SNX7: variants seen among roughly 807,000 people sequenced by gnomAD.
SNX7 encodes the protein sorting nexin-7.
A neutral mutation model predicts 48.4 loss-of-function variants in SNX7; 35 were observed. The ratio of observed to expected loss-of-function variants is 0.72; its 90% CI spans 0.55 to 0.96. The LOEUF (loss-of-function observed/expected upper bound fraction) is 0.96, where lower values mean the gene tolerates loss of function less well. SNX7 is among the 40% of genes least tolerant of loss of function. The pLI is 0.00. For missense variants in SNX7, 553 were observed against 548.9 expected (o/e 1.01, Z -0.07); for synonymous variants, 190 against 190.2 (o/e 1.00, Z 0.01).
chr1:98,697,874 GT>G (rs1190549284), intron 5 of SNX7, among the ~76,000 whole-genome samples: 1 of 152,102 alleles, frequency 6.6e-6, no homozygotes. Flanking sequence ...ATTAGAAGTA[GT>G]TTGTCAGGTG....
chr1:98,757,044 TCCA>T (rs1301585910), intron 8 of SNX7, among the ~76,000 whole-genome samples: 2 of 151,984 alleles, frequency 1.3e-5, no homozygotes, highest in Non-Finnish European at 2.9e-5. Flanking sequence ...TAGCACCACC[TCCA>T]CCACTCCTGC....
intron 7 of SNX7, among the ~76,000 whole-genome samples, chr1:98,713,112 A>T (rs1652406106): frequency 6.6e-6 from 1 of 151,550 alleles, no homozygotes; most frequent in Non-Finnish European, 1.5e-5. Flanking sequence ...AAAAAAAAAA[A>T]CTTGTCTACA....
intron 7 of SNX7, among the ~76,000 whole-genome samples, chr1:98,711,470 G>C (rs1021825660): frequency 2.6e-5 from 4 of 152,134 alleles, no homozygotes; most frequent in Admixed American, 6.6e-5. Context: ...CCACAATAAA[G>C]CAAGTCACAA....
chr1:98,691,591 C>T lies in SNX7; in HGVS notation c.531C>T (p.Phe177=), dbSNP rs1254852718. 3.1e-6 allele frequency: 5 copies of T among 1,610,892 alleles called. No homozygotes were observed. The highest frequency in any genetic ancestry group is 8.5e-7 in the Non-Finnish European group (1 of 1,178,314). Reference sequence around the variant, plus strand: ...TGGTGGAACGCTTTAACGATGACTTCATTGAGACACGCAGGAAGGCTTTAC... The same window carrying T: ...TGGTGGAACGCTTTAACGATGACTTTATTGAGACACGCAGGAAGGCTTTAC... ...KGMVERFNDD[F]IETRRKALHK... The change falls in exon 4 of 9, where the codon TTC becomes TTT. Residue 177 remains phenylalanine, a synonymous_variant. Transcript: ENST00000306121.
At chr1:98,715,942 T>C (rs1194030390) in intron 7 of SNX7, among the ~76,000 whole-genome samples, 1 of 152,126 alleles carries the variant, frequency 6.6e-6, no homozygotes. Context: ...CGTTTTTATA[T>C]CTATGATGTA....
At chr1:98,707,505 C>T (rs1652070851) in intron 7 of SNX7, among the ~76,000 whole-genome samples, 1 of 152,100 alleles carries the variant, frequency 6.6e-6, no homozygotes. Context: ...TATAAGTTTT[C>T]AGAGTCAGAG....
rs1473684814 is a variant in SNX7 at position 98,698,781 on chromosome 1, C to G, written c.914C>G (p.Thr305Ser). The change falls in exon 6 of 9, where the codon ACT becomes AGT. Residue 305 changes from threonine (T) to serine (S), a missense_variant. Physicochemically the swap from Thr to Ser is moderately conservative, Grantham distance 58 (BLOSUM62 1). Coordinates refer to ENST00000306121, the MANE Select transcript of SNX7 (RefSeq NM_015976.5). ...WSASEEDLVD[T>S]LKDVASCIDR... is the part of the protein sequence containing the mutation. ...GCGTCAGAAGAGGATCTGGTTGATA[C>G]TCTAAAGGATGTTGCCAGCTGCATT... 1 of 1,613,184 alleles carries G rather than the reference C, an allele frequency of 6.2e-7. No homozygotes were observed. The highest frequency in any genetic ancestry group is 8.5e-7 in the Non-Finnish European group (1 of 1,179,588).
intron 4 of SNX7, 145 bp downstream of exon 4, chr1:98,691,844 C>A (rs1359178508): frequency 5.4e-6 from 3 of 555,370 alleles, no homozygotes; most frequent in East Asian, 7.3e-5. Flanking sequence ...GGAGAGTTAT[C>A]CTTCAGATAT....
At chr1:98,676,055 A>C (rs886635063) in intron 1 of SNX7, among the ~76,000 whole-genome samples, 10 of 152,104 alleles carry the variant, frequency 6.6e-5, no homozygotes, top group African/African-American at 2.4e-4. Flanking sequence ...ACCCAACAGC[A>C]ATCCCAACAT....
intron 7 of SNX7, among the ~76,000 whole-genome samples, chr1:98,721,786 T>C (rs1360506093): frequency 2.0e-5 from 3 of 152,112 alleles, no homozygotes; most frequent in South Asian, 2.1e-4. Context: ...AACATACTGC[T>C]TTTCTAGGCT....
chr1:98,721,407 T>C (rs1360653795), intron 7 of SNX7, among the ~76,000 whole-genome samples: 2 of 152,112 alleles, frequency 1.3e-5, no homozygotes, highest in Non-Finnish European at 1.5e-5. Context: ...TTCCTTTGTG[T>C]AGTATTGTGA....
chr1:98,720,704 A>T (rs1173307764), intron 7 of SNX7, among the ~76,000 whole-genome samples: 10 of 152,240 alleles, frequency 6.6e-5, no homozygotes, highest in African/African-American at 1.9e-4. Flanking sequence ...CAGTAGTCAC[A>T]TGTGGCTATT....
At chr1:98,716,261 G>C (rs560579585) in intron 7 of SNX7, among the ~76,000 whole-genome samples, 2 of 152,068 alleles carry the variant, frequency 1.3e-5, no homozygotes, top group Admixed American at 1.3e-4. Flanking sequence ...TGGTAGGTTT[G>C]CCTCCTATCC....
intron 8 of SNX7, among the ~76,000 whole-genome samples, chr1:98,743,155 G>A (rs1472290686): frequency 6.6e-6 from 1 of 151,854 alleles, no homozygotes; most frequent in Non-Finnish European, 1.5e-5. Flanking sequence ...GTTCCCTCAT[G>A]TAAACTCATT....
chr1:98,727,414 A>C (rs1428852650), intron 7 of SNX7, among the ~76,000 whole-genome samples: 2 of 152,160 alleles, frequency 1.3e-5, no homozygotes, highest in African/African-American at 4.8e-5. Context: ...AAGATGAGAA[A>C]GAATCAACCA....
intron 1 of SNX7, among the ~76,000 whole-genome samples, chr1:98,664,962 A>C (rs1014026484): frequency 8.5e-5 from 13 of 152,228 alleles, no homozygotes; most frequent in African/African-American, 2.9e-4. Flanking sequence ...CTTCCAAAAA[A>C]TTTAACTGGA....
intron 7 of SNX7, among the ~76,000 whole-genome samples, chr1:98,730,195 G>A (rs1019743600): frequency 1.7e-4 from 26 of 151,864 alleles, no homozygotes; most frequent in Admixed American, 5.9e-4. Flanking sequence ...AAAGGCCTTC[G>A]ATAAAATTCA....
chr1:98,669,593 G>A (rs1016397517), intron 1 of SNX7, among the ~76,000 whole-genome samples: 1 of 152,200 alleles, frequency 6.6e-6, no homozygotes, highest in African/African-American at 2.4e-5. Context: ...TCAGACCCCA[G>A]TGAATTGGAA....
chr1:98,749,783 T>C (rs2101051801), intron 8 of SNX7, among the ~76,000 whole-genome samples: 1 of 152,272 alleles, frequency 6.6e-6, no homozygotes, highest in East Asian at 1.9e-4. Context: ...CATAACCTAA[T>C]AATTTTTATA....
Sources: allele counts gnomAD v4.1 joint callset (sites outside exome capture counted in the v4.1 genomes callset), GRCh38; gene constraint gnomAD v4.1.1; transcripts MANE v1.5; gene names NCBI Gene and HGNC (gene_info 2026-07-23, HGNC 2026-07-21).